Variants in ZPBP observed in about 807,000 individuals in gnomAD.
ZPBP encodes zona pellucida binding protein, also known as zona pellucida-binding protein 1.
A neutral mutation model predicts 44.8 loss-of-function variants in ZPBP; 26 were observed. That is an observed-to-expected ratio of 0.58 (90% CI 0.43 to 0.81). The LOEUF (loss-of-function observed/expected upper bound fraction) is 0.81, where lower values mean the gene tolerates loss of function less well. Among genes scored for constraint, ZPBP ranks in the 30% least tolerant of loss-of-function variants. ZPBP has a pLI of 0.00. For missense variants in ZPBP, 409 were observed against 434.0 expected (o/e 0.94, Z 0.51); for synonymous variants, 174 against 153.2 (o/e 1.14, Z -1.00).
chr7:49,881,826 T>C (rs962831879), intron 2 of ZPBP, among the ~76,000 whole-genome samples: 1 of 152,070 alleles, frequency 6.6e-6, no homozygotes, highest in Non-Finnish European at 1.5e-5. Context: ...TCATAACTTA[T>C]GTTTGTACTA....
At chr7:49,951,353 T>C (rs1031790630) in intron 7 of ZPBP, among the ~76,000 whole-genome samples, 2 of 151,624 alleles carry the variant, frequency 1.3e-5, no homozygotes, top group Non-Finnish European at 3.0e-5. Context: ...GAGCCCTTAC[T>C]ACTCAAAAAC....
chr7:49,980,959 G>T (rs1392514739), intron 7 of ZPBP, among the ~76,000 whole-genome samples: 14 of 150,878 alleles, frequency 9.3e-5, no homozygotes, highest in Non-Finnish European at 5.9e-5. Context: ...CTTTTACTTT[G>T]TTTTCTTTGA....
intron 7 of ZPBP, among the ~76,000 whole-genome samples, chr7:49,962,812 A>C (rs1252592659): frequency 1.3e-5 from 2 of 151,872 alleles, no homozygotes; most frequent in East Asian, 3.8e-4. Context: ...TCTAGAAGAA[A>C]ACAGAAAAAG....
intron 2 of ZPBP, among the ~76,000 whole-genome samples, chr7:49,856,292 T>C (rs1790413862): frequency 6.6e-6 from 1 of 152,158 alleles, no homozygotes; most frequent in African/African-American, 2.4e-5. Context: ...GTTCTCAATC[T>C]ATTATCTCAA....
At chr7:50,091,795 A>G (rs1431785971) in intron 1 of ZPBP, among the ~76,000 whole-genome samples, 2 of 152,252 alleles carry the variant, frequency 1.3e-5, no homozygotes, top group Non-Finnish European at 2.9e-5. Context: ...GCAGTATAAA[A>G]ATGCAATAAA....
At chr7:49,866,457 C>A (rs1183225199) in intron 2 of ZPBP, among the ~76,000 whole-genome samples, 1 of 152,192 alleles carries the variant, frequency 6.6e-6, no homozygotes, top group Non-Finnish European at 1.5e-5. Context: ...TGAGCCAAAC[C>A]CTGCAGGCAA....
At chr7:49,958,995 G>A (rs1795729450) in intron 7 of ZPBP, among the ~76,000 whole-genome samples, 1 of 152,076 alleles carries the variant, frequency 6.6e-6, no homozygotes, top group Admixed American at 6.5e-5. Flanking sequence ...GACCACATAG[G>A]TTTTTATCCC....
At chr7:50,045,950 T>A (rs1166551612) in intron 4 of ZPBP, among the ~76,000 whole-genome samples, 1 of 152,122 alleles carries the variant, frequency 6.6e-6, no homozygotes, top group African/African-American at 2.4e-5. Context: ...AAAACAGATA[T>A]GTAGACCAAT....
chr7:50,091,538 GAAGAT>G (rs779842913), intron 1 of ZPBP, among the ~76,000 whole-genome samples: 70 of 152,216 alleles, frequency 4.6e-4, no homozygotes, highest in Non-Finnish European at 6.2e-4. Context: ...AAAAATTCTA[GAAGAT>G]AATATCAGAA....
chr7:50,061,788 G>C (rs191753518), intron 3 of ZPBP, among the ~76,000 whole-genome samples: 1 of 152,266 alleles, frequency 6.6e-6, no homozygotes, highest in East Asian at 1.9e-4. Flanking sequence ...AGATAAGACA[G>C]GAAGCTGAGG....
At chr7:50,029,866 TTGTTC>T (rs1562856955) in intron 5 of ZPBP, among the ~76,000 whole-genome samples, 35 of 152,174 alleles carry the variant, frequency 2.3e-4, no homozygotes, top group African/African-American at 8.2e-4. Flanking sequence ...GTTGTTGTTG[TTGTTC>T]TTTTAACAGA....
rs547443586 is a variant in ZPBP at position 49,943,731 on chromosome 7, T to A, written c.962-6109A>T. 4.1e-4 allele frequency: 102 copies of A among 249,380 alleles called. No individual in the cohort carries two copies. In the South Asian group the frequency reaches 4.2e-3, roughly 10 times the overall value. 15.4% of individuals were successfully genotyped at this position (249,380 alleles called of 1,614,324 possible). A position where few individuals can be genotyped will look rare whatever the true frequency, so the allele number is the denominator to read the frequency against. Reference sequence around the variant, plus strand: ...TTTTCAAGTATGGCTCAAGGCTCAATGTGACGGGAACGGGTACCCATTGGA... The same window carrying A: ...TTTTCAAGTATGGCTCAAGGCTCAAAGTGACGGGAACGGGTACCCATTGGA... On this transcript the variant is annotated intron_variant, in intron 7 of 7. Transcript: ENST00000046087.
intron 7 of ZPBP, among the ~76,000 whole-genome samples, chr7:49,967,393 T>A (rs1322188407): frequency 6.6e-6 from 1 of 152,142 alleles, no homozygotes; most frequent in Admixed American, 6.5e-5. Flanking sequence ...GGAGAAGAAC[T>A]TTGCACCAAA....
chr7:49,965,341 AGAG>A (rs1796017298), intron 7 of ZPBP, among the ~76,000 whole-genome samples: 1 of 152,096 alleles, frequency 6.6e-6, no homozygotes, highest in Admixed American at 6.6e-5. Flanking sequence ...GTGAAAAGAC[AGAG>A]GAGGGGCAAC....
intron 7 of ZPBP, among the ~76,000 whole-genome samples, chr7:49,974,778 G>A (rs1247792077): frequency 8.5e-5 from 13 of 152,214 alleles, no homozygotes; most frequent in South Asian, 2.1e-4. Context: ...GAATACGCAC[G>A]TTTCTGTAGT....
At chr7:49,955,985 G>A (rs1375436456) in intron 7 of ZPBP, among the ~76,000 whole-genome samples, 1 of 152,010 alleles carries the variant, frequency 6.6e-6, no homozygotes, top group Non-Finnish European at 1.5e-5. Flanking sequence ...CTTTGCACTT[G>A]GACTTATCAT....
intron 6 of ZPBP, among the ~76,000 whole-genome samples, chr7:49,991,727 A>T (rs185261752): frequency 4.1e-4 from 63 of 152,246 alleles, no homozygotes; most frequent in Admixed American, 7.8e-4. Context: ...TCTCACTGAA[A>T]AAAGCAGATG....
intron 2 of ZPBP, among the ~76,000 whole-genome samples, chr7:49,862,511 G>A (rs1467479862): frequency 6.6e-6 from 1 of 152,158 alleles, no homozygotes; most frequent in African/African-American, 2.4e-5. Context: ...TTGAATAGCA[G>A]TGGTGAAATT....
intron 6 of ZPBP, among the ~76,000 whole-genome samples, chr7:49,993,796 T>C (rs1252992957): frequency 1.3e-5 from 2 of 152,164 alleles, no homozygotes; most frequent in Non-Finnish European, 2.9e-5. Context: ...TCCATATTGC[T>C]GAACCCATGC....
Sources: allele counts gnomAD v4.1 joint callset (sites outside exome capture counted in the v4.1 genomes callset), GRCh38; gene constraint gnomAD v4.1.1; transcripts MANE v1.5; gene names NCBI Gene and HGNC (gene_info 2026-07-23, HGNC 2026-07-21).